EPHA3: variants seen among roughly 807,000 people sequenced by gnomAD.
The protein encoded by EPHA3 is EPH receptor A3.
Under a neutral mutation model 107.1 loss-of-function variants are expected in EPHA3, and 42 were observed. The ratio of observed to expected loss-of-function variants is 0.39; its 90% CI spans 0.31 to 0.51. EPHA3 has a LOEUF of 0.51. EPHA3 is among the 20% of genes least tolerant of loss of function. The pLI is 0.78. For missense variants in EPHA3, 1,183 were observed against 1,211.2 expected (o/e 0.98, Z 0.35); for synonymous variants, 461 against 424.8 (o/e 1.09, Z -1.05).
intron 3 of EPHA3, among the ~76,000 whole-genome samples, chr3:89,269,377 G>T (rs992159608): frequency 2.0e-5 from 3 of 151,952 alleles, no homozygotes; most frequent in African/African-American, 4.8e-5. Context: ...GCAAATCCTT[G>T]GTTCCTACCC....
intron 13 of EPHA3, 54 bp downstream of exon 13, chr3:89,431,413 G>A: frequency 6.7e-7 from 1 of 1,484,330 alleles, no homozygotes; most frequent in Non-Finnish European, 9.2e-7. Flanking sequence ...CTTGTATCAT[G>A]TTGATTTGTA....
At chr3:89,443,436 A>G (rs1004448849) in intron 13 of EPHA3, among the ~76,000 whole-genome samples, 1 of 152,186 alleles carries the variant, frequency 6.6e-6, no homozygotes, top group African/African-American at 2.4e-5. Context: ...GTAGCATAAG[A>G]AAAAAGAGGA....
intron 2 of EPHA3, among the ~76,000 whole-genome samples, chr3:89,159,044 A>G (rs1305688201): frequency 1.3e-5 from 2 of 152,130 alleles, no homozygotes; most frequent in Non-Finnish European, 1.5e-5. Flanking sequence ...GCATATGTGC[A>G]TTATTTACCT....
intron 1 of EPHA3, 31 bp from the exon 2 acceptor site, chr3:89,127,178 A>G: frequency 6.5e-7 from 1 of 1,537,788 alleles, no homozygotes; most frequent in South Asian, 1.1e-5. Context: ...CACTGTTATT[A>G]ACTGTGTTTG....
Position 89,191,105 on chromosome 3 carries a change from A to G in EPHA3, c.154-18755A>G, listed in dbSNP as rs183730834. Among the ~76,000 whole-genome samples, 671 of 152,204 alleles carry G rather than the reference A, an allele frequency of 4.4e-3. 5 individuals are homozygous for G. The highest frequency in any genetic ancestry group is 0.013 in the African/African-American group (544 of 41,536). On this transcript the variant is annotated intron_variant, in intron 2 of 16. Transcript: ENST00000336596. ...TTCCTCTTTCATTGGTGTAGTAAAC[A>G]TTGACTGGGTGACGCCTGCCAGATA...
chr3:89,308,123 A>G (rs927640943), intron 3 of EPHA3, among the ~76,000 whole-genome samples: 2 of 152,120 alleles, frequency 1.3e-5, no homozygotes, highest in Non-Finnish European at 2.9e-5. Context: ...AGTGTGCATT[A>G]TATACTTGGC....
At chr3:89,469,780 A>C (rs1710364479) in intron 15 of EPHA3, among the ~76,000 whole-genome samples, 1 of 152,182 alleles carries the variant, frequency 6.6e-6, no homozygotes, top group African/African-American at 2.4e-5. Flanking sequence ...ATTTCTAAAG[A>C]TATTGAAATT....
intron 2 of EPHA3, among the ~76,000 whole-genome samples, chr3:89,135,498 G>A (rs1704291604): frequency 6.6e-6 from 1 of 152,018 alleles, no homozygotes; most frequent in South Asian, 2.1e-4. Flanking sequence ...AAATAAGAGA[G>A]CTAACAACGA....
At chr3:89,296,634 T>C (rs1379573898) in intron 3 of EPHA3, among the ~76,000 whole-genome samples, 1 of 152,170 alleles carries the variant, frequency 6.6e-6, no homozygotes, top group African/African-American at 2.4e-5. Context: ...ATTTTCAGAA[T>C]GGCAAATGTG....
chr3:89,343,287 CAAA>C (rs1467707048), intron 5 of EPHA3, among the ~76,000 whole-genome samples: 1 of 152,202 alleles, frequency 6.6e-6, no homozygotes, highest in African/African-American at 2.4e-5. Context: ...GTGTCATCTA[CAAA>C]AGCAAGTATG....
rs2107555139 is a variant in EPHA3, at chr3:89,450,263, G to T, written c.2583G>T (p.Trp861Cys). The T allele has an allele frequency of 6.2e-7, 1 of 1,613,954 alleles. No individual in the cohort carries two copies. The change falls in exon 15 of 17, where the codon TGG becomes TGT. Residue 861 changes from tryptophan to cysteine, a missense_variant. Coordinates refer to ENST00000336596, the MANE Select transcript of EPHA3 (RefSeq NM_005233.6). The stretch of plus-strand genomic sequence containing the variant: ...TGTATCAGCTGATGCTGGACTGCTG[G>T]CAGAAAGACAGGAACAACAGACCCA... ...AALYQLMLDC[W>C]QKDRNNRPKF...
At chr3:89,309,599 C>G (rs1706716840) in intron 3 of EPHA3, among the ~76,000 whole-genome samples, 1 of 152,066 alleles carries the variant, frequency 6.6e-6, no homozygotes, top group South Asian at 2.1e-4. Context: ...TAGCCTATCC[C>G]ATATTGGGGC....
chr3:89,236,795 AG>A (rs1463270054), intron 3 of EPHA3, among the ~76,000 whole-genome samples: 3 of 152,220 alleles, frequency 2.0e-5, no homozygotes, highest in Non-Finnish European at 2.9e-5. Context: ...ATAAAATTAA[AG>A]AAAGCTACAT....
At chr3:89,441,988 T>C (rs1709795223) in intron 13 of EPHA3, among the ~76,000 whole-genome samples, 1 of 152,196 alleles carries the variant, frequency 6.6e-6, no homozygotes, top group South Asian at 2.1e-4. Flanking sequence ...TTTTTGTAGC[T>C]GTAGACAGTG....
intron 5 of EPHA3, among the ~76,000 whole-genome samples, chr3:89,378,764 G>A (rs1453544908): frequency 2.0e-5 from 3 of 152,116 alleles, no homozygotes; most frequent in East Asian, 1.9e-4. Context: ...ATTTGTATCT[G>A]CATGATTTCC....
chr3:89,327,598 T>C (rs529278588), intron 3 of EPHA3, among the ~76,000 whole-genome samples: 1 of 152,278 alleles, frequency 6.6e-6, no homozygotes, highest in South Asian at 2.1e-4. Context: ...TGTTATTGGT[T>C]TGTAAATACT....
chr3:89,273,563 G>T (rs1365128993), intron 3 of EPHA3, among the ~76,000 whole-genome samples: 2 of 151,878 alleles, frequency 1.3e-5, no homozygotes, highest in Non-Finnish European at 2.9e-5. Context: ...AAGATACTCA[G>T]TTGTAGTGTT....
chr3:89,297,259 AC>A (rs1706375875), intron 3 of EPHA3, among the ~76,000 whole-genome samples: 1 of 151,944 alleles, frequency 6.6e-6, no homozygotes, highest in Non-Finnish European at 1.5e-5. Context: ...GGGCTTTTAC[AC>A]TCTTCCTCAC....
chr3:89,348,611 T>C (rs1448803210), intron 5 of EPHA3, among the ~76,000 whole-genome samples: 1 of 138,394 alleles, frequency 7.2e-6, no homozygotes, highest in African/African-American at 3.0e-5. Flanking sequence ...GTGTCTCTAT[T>C]TCCTTCAGTT....
Sources: allele counts gnomAD v4.1 joint callset (sites outside exome capture counted in the v4.1 genomes callset), GRCh38; gene constraint gnomAD v4.1.1; transcripts MANE v1.5; gene names NCBI Gene and HGNC (gene_info 2026-07-23, HGNC 2026-07-21).